The following IGDCC3 variants were observed in gnomAD, a reference collection of about 807,000 sequenced individuals.
IGDCC3 encodes putative neuronal cell adhesion molecule.
Under a neutral mutation model 72.0 loss-of-function variants are expected in IGDCC3, and 47 were observed. That is an observed-to-expected ratio of 0.65 (90% CI 0.52 to 0.83). The LOEUF is 0.83. Ranked by LOEUF, IGDCC3 falls within the 40% of genes least tolerant of loss-of-function variation. The pLI, the probability that IGDCC3 is intolerant of heterozygous loss-of-function variation, is 0.00. For synonymous variants in IGDCC3, 477 were observed against 472.8 expected, an observed-to-expected ratio of 1.01 and a Z score of -0.11; for missense variants, 1,038 against 1,091.3, an observed-to-expected ratio of 0.95 and a Z score of 0.69.
chr15:65,332,190 G>A lies in IGDCC3; in HGVS notation c.983-84C>T. 7 of 1,461,094 alleles carry A rather than the reference G, an allele frequency of 4.8e-6. No individual in the cohort carries two copies. The South Asian group carries it at 9.1e-5, about 19-fold the overall frequency. 90.5% of individuals were successfully genotyped at this position (1,461,094 alleles called of 1,614,324 possible). On this transcript the variant is annotated intron_variant, in intron 6 of 13. Transcript: ENST00000327987. ...GAGGAAGGGAACAGGGGATGGGACT[G>A]GAGATACACAGGGTGAGAGGTGGGC...
rs2090964470 is a variant in IGDCC3 at position 65,330,304 on chromosome 15, G to C, written c.1847C>G (p.Ser616Cys). 1 of 1,613,094 alleles carries C rather than the reference G, an allele frequency of 6.2e-7. No homozygotes were observed. Among genetic ancestry groups the C allele is most frequent in the South Asian group, 1.1e-5 (1 of 90,972 alleles). ...TVRFVSLRGA[S>C]ERTALSPPCD... ...TCCCCAGCCCTCACCTGTCCTCTCA[G>C]ATGCTCCCCTCAAAGACACAAAGCG... Residue 616 changes from serine to cysteine, a missense_variant, in exon 11 of 14, where the codon TCT (serine) becomes TGT (cysteine). By Grantham distance (112) the Ser-to-Cys change is moderately radical (BLOSUM62 -1). Transcript: ENST00000327987.
At chr15:65,349,099 T>C (rs960597297) in intron 2 of IGDCC3, among the ~76,000 whole-genome samples, 1 of 152,188 alleles carries the variant, frequency 6.6e-6, no homozygotes, top group African/African-American at 2.4e-5. Context: ...AGGGCGACCA[T>C]CTTGTGCTGA....
At chr15:65,331,763 C>T in intron 7 of IGDCC3, 104 bp from the exon 8 acceptor site, 6 of 1,442,778 alleles carry the variant, frequency 4.2e-6, no homozygotes, top group Non-Finnish European at 5.6e-6. Flanking sequence ...AGACAAACGA[C>T]TTGTGTGAGG....
intron 2 of IGDCC3, among the ~76,000 whole-genome samples, chr15:65,336,569 C>T (rs1040398832): frequency 3.9e-5 from 6 of 152,136 alleles, no homozygotes; most frequent in Non-Finnish European, 7.4e-5. Context: ...TGCAGTCTCT[C>T]GATGCACCCC....
intron 2 of IGDCC3, among the ~76,000 whole-genome samples, chr15:65,367,034 A>AC (rs1330467818): frequency 6.6e-5 from 10 of 152,296 alleles, no homozygotes; most frequent in African/African-American, 2.4e-4. Flanking sequence ...TTGGGCAGCC[A>AC]CCCATTGAAT....
At chr15:65,367,110 G>A (rs867301768) in intron 2 of IGDCC3, among the ~76,000 whole-genome samples, 2 of 152,188 alleles carry the variant, frequency 1.3e-5, no homozygotes, top group Non-Finnish European at 2.9e-5. Flanking sequence ...TTGGGAGGCC[G>A]AGGTAGGTGG....
In IGDCC3 at chr15:65,339,794, CTG is replaced by C. The variant is rs2091063494; in HGVS notation, c.410-3840_410-3839del. Among the ~76,000 whole-genome samples the C allele has an allele frequency of 6.6e-6, 1 of 152,212 alleles. No individual in the cohort carries two copies. Among genetic ancestry groups the C allele is most frequent in the Admixed American group, 6.5e-5 (1 of 15,280 alleles). ...GTGGCTGGTGCACGTGACAGTGGTGCTGTGACTTTGGCTCTTGATGCTTTACA... is the reference window on the plus strand; with the variant it reads ...GTGGCTGGTGCACGTGACAGTGGTGCTGACTTTGGCTCTTGATGCTTTACA... On this transcript the variant is annotated intron_variant, in intron 2 of 13. Coordinates refer to ENST00000327987, the MANE Select transcript of IGDCC3 (RefSeq NM_004884.4). The surrounding 1 kb of genome is among the most constrained non-coding windows in gnomAD (Gnocchi z 4.1).
At chr15:65,349,597 C>T (rs1026791970) in intron 2 of IGDCC3, among the ~76,000 whole-genome samples, 3 of 152,206 alleles carry the variant, frequency 2.0e-5, no homozygotes, top group African/African-American at 7.2e-5. Context: ...GTCCGCTTTT[C>T]AAGATGACTC....
chr15:65,352,148 C>T lies in IGDCC3; in HGVS notation c.410-16192G>A, dbSNP rs149173021. Among the ~76,000 whole-genome samples the T allele has an allele frequency of 2.2e-3, 333 of 152,260 alleles. 1 individual carries two copies. Among genetic ancestry groups the T allele is most frequent in the Non-Finnish European group, 4.0e-3 (275 of 68,000 alleles). On this transcript the variant is annotated intron_variant, in intron 2 of 13. Transcript: ENST00000327987. ...AACTGAAGTAATCTTTTTAATTTTG[C>T]TTAAAACGTTGCTGATCCTTTGTTT...
At chr15:65,341,814 C>T (rs2091083676) in intron 2 of IGDCC3, among the ~76,000 whole-genome samples, 1 of 152,182 alleles carries the variant, frequency 6.6e-6, no homozygotes, top group Non-Finnish European at 1.5e-5. Context: ...TGCTCTGTCA[C>T]CCAGGCTGGA....
chr15:65,343,606 C>T (rs1167689427), intron 2 of IGDCC3, among the ~76,000 whole-genome samples: 1 of 152,068 alleles, frequency 6.6e-6, no homozygotes, highest in African/African-American at 2.4e-5. Flanking sequence ...AGGCTCATTC[C>T]GGGGGTTGGA....
At position 65,331,941 on chromosome 15, in the gene IGDCC3, CTGT is replaced by C. The variant is rs777640528; in HGVS notation, c.1145_1147del (p.Asn382del). 1 of 1,612,980 alleles carries C rather than the reference CTGT, an allele frequency of 6.2e-7. No homozygotes were observed. Among genetic ancestry groups the C allele is most frequent in the Non-Finnish European group, 8.5e-7 (1 of 1,179,862 alleles). On this transcript the variant is annotated inframe_deletion and splice_region_variant, in exon 7 of 14. Coordinates refer to ENST00000327987, the MANE Select transcript of IGDCC3 (RefSeq NM_004884.4). ...ACCCCAGCACACACCACACACATAC[CTGT>C]TGTTATTCTTGAGCCTGACGTGGCC...
intron 2 of IGDCC3, among the ~76,000 whole-genome samples, chr15:65,370,602 G>GTATATA (rs1236910113): frequency 1.0e-5 from 1 of 97,676 alleles, no homozygotes; most frequent in African/African-American, 4.3e-5. Flanking sequence ...ATATATGTAT[G>GTATATA]TGTATATATA....
At chr15:65,336,041 G>T in intron 2 of IGDCC3, 85 bp from the exon 3 acceptor site, 1 of 1,386,040 alleles carries the variant, frequency 7.2e-7, no homozygotes, top group South Asian at 1.2e-5. Flanking sequence ...TCACAGGCAC[G>T]GAGACCTGGA....
intron 2 of IGDCC3, among the ~76,000 whole-genome samples, chr15:65,361,627 C>CCCCG (rs570311475): frequency 0.46 from 70,278 of 151,476 alleles, 16,864 homozygotes; most frequent in African/African-American, 0.6. Context: ...ACCACAGCAG[C>CCCCG]CTAGAAGAGT....
chr15:65,372,978 C>G (rs1175466210), intron 2 of IGDCC3, among the ~76,000 whole-genome samples: 1 of 152,214 alleles, frequency 6.6e-6, no homozygotes, highest in African/African-American at 2.4e-5. Context: ...AACCCCCCAG[C>G]TGTCTCCAGG....
chr15:65,357,947 T>C (rs1164602876), intron 2 of IGDCC3, among the ~76,000 whole-genome samples: 2 of 152,100 alleles, frequency 1.3e-5, no homozygotes, highest in African/African-American at 2.4e-5. Context: ...TAAGCTGCCA[T>C]TGATGGGGTA....
In IGDCC3 at chr15:65,330,658, G is replaced by A; in HGVS notation, c.1645C>T (p.Gln549Ter). 9 of 1,613,520 alleles carry A rather than the reference G, an allele frequency of 5.6e-6. No homozygotes were observed. The highest frequency in any genetic ancestry group is 7.6e-6 in the Non-Finnish European group (9 of 1,179,770). The change falls in exon 10 of 14, where the codon CAG becomes TAG. Residue 549 changes from glutamine (Q) to a stop codon, truncating the protein, a stop_gained. Transcript: ENST00000327987. LOFTEE classifies it high-confidence loss of function. ...LLWEPWPRLA[Q>*]HEGGFKLFYR... Reference sequence around the variant, plus strand: ...AACAGCTTGAAGCCGCCCTCGTGCTGGGCCAGCCGGGGCCAAGGCTCCCAC... The same window carrying A: ...AACAGCTTGAAGCCGCCCTCGTGCTAGGCCAGCCGGGGCCAAGGCTCCCAC...
At chr15:65,373,253 T>C (rs948556605) in intron 2 of IGDCC3, among the ~76,000 whole-genome samples, 1 of 152,142 alleles carries the variant, frequency 6.6e-6, no homozygotes, top group Non-Finnish European at 1.5e-5. Context: ...CTGAGGAGTC[T>C]CATCTCTCTG....
Sources: allele counts gnomAD v4.1 joint callset (sites outside exome capture counted in the v4.1 genomes callset), GRCh38; gene constraint gnomAD v4.1.1; non-coding constraint Gnocchi (gnomAD v3.1); transcripts MANE v1.5; gene names NCBI Gene and HGNC (gene_info 2026-07-23, HGNC 2026-07-21).